The following NAA16 variants were observed in gnomAD, a reference collection of about 807,000 sequenced individuals.
The protein encoded by NAA16 is NARG1-like protein.
A neutral mutation model predicts 110.3 loss-of-function variants in NAA16; 97 were observed. The observed-to-expected ratio is 0.88, with a 90% CI of 0.75 to 1.04. NAA16 has a LOEUF of 1.04. Ranked by LOEUF, NAA16 falls within the 50% of genes least tolerant of loss-of-function variation. The probability of loss-of-function intolerance (pLI) is 0.00; values close to 1 mark genes in which losing one functional copy is unlikely to be tolerated. For missense variants in NAA16, 1,017 were observed against 1,005.1 expected (o/e 1.01, Z -0.16); for synonymous variants, 372 against 330.6 (o/e 1.13, Z -1.36).
At chr13:41,366,351 C>T (rs527669705) in intron 13 of NAA16, among the ~76,000 whole-genome samples, 3 of 152,178 alleles carry the variant, frequency 2.0e-5, no homozygotes, top group South Asian at 2.1e-4. Context: ...ATGTCCTCTG[C>T]GGAGTGACTT....
intron 13 of NAA16, among the ~76,000 whole-genome samples, chr13:41,367,002 G>A (rs1043167964): frequency 2.0e-5 from 3 of 152,166 alleles, no homozygotes; most frequent in Non-Finnish European, 2.9e-5. Context: ...GAAAATGGTA[G>A]AGTTGAGTAG....
At chr13:41,319,126 A>T (rs2041882213) in intron 3 of NAA16, among the ~76,000 whole-genome samples, 1 of 151,902 alleles carries the variant, frequency 6.6e-6, no homozygotes, top group Non-Finnish European at 1.5e-5. Flanking sequence ...TTTGTTCCCT[A>T]CCCCGTGTTT....
At chr13:41,326,468 A>G (rs2042096143) in intron 6 of NAA16, among the ~76,000 whole-genome samples, 1 of 152,232 alleles carries the variant, frequency 6.6e-6, no homozygotes, top group Non-Finnish European at 1.5e-5. Context: ...CTTAATAAAA[A>G]TAATAGCTAA....
chr13:41,343,157 A>G (rs1378486567), intron 9 of NAA16, among the ~76,000 whole-genome samples: 1 of 152,140 alleles, frequency 6.6e-6, no homozygotes, highest in Non-Finnish European at 1.5e-5. Context: ...CTGGAGAGCA[A>G]TGAATGGCCC....
chr13:41,364,798 C>T (rs1025327031), intron 13 of NAA16, among the ~76,000 whole-genome samples: 8 of 152,088 alleles, frequency 5.3e-5, no homozygotes, highest in African/African-American at 1.9e-4. Context: ...ACAACAGATT[C>T]TCTATTAAGT....
At chr13:41,348,984 G>A (rs939803988) in intron 9 of NAA16, among the ~76,000 whole-genome samples, 16 of 152,094 alleles carry the variant, frequency 1.1e-4, no homozygotes, top group East Asian at 1.9e-4. Context: ...CCCTCTTACT[G>A]TTTTTGGTTT....
At chr13:41,359,641 A>G (rs1238049639) in intron 12 of NAA16, among the ~76,000 whole-genome samples, 1 of 152,190 alleles carries the variant, frequency 6.6e-6, no homozygotes. Flanking sequence ...TGTTGGGGAA[A>G]AAGCCTCCAA....
chr13:41,312,419 C>T (rs2041643336), intron 1 of NAA16, among the ~76,000 whole-genome samples: 1 of 152,166 alleles, frequency 6.6e-6, no homozygotes, highest in Admixed American at 6.5e-5. Flanking sequence ...GCCAGCGTCC[C>T]TGGTAGCTTT....
chr13:41,325,620 G>A, intron 5 of NAA16, 78 bp from the exon 6 acceptor site: 1 of 886,242 alleles, frequency 1.1e-6, no homozygotes, highest in Non-Finnish European at 1.6e-6. Context: ...TGACTCTCCT[G>A]AGAAGGCAGT....
At chr13:41,326,337 C>T (rs368645434) in intron 6 of NAA16, among the ~76,000 whole-genome samples, 5 of 152,262 alleles carry the variant, frequency 3.3e-5, no homozygotes, top group South Asian at 2.1e-4. Context: ...AAAATTTTCA[C>T]AGAGCTTTGC....
chr13:41,362,269 G>GA lies in NAA16; in HGVS notation c.1539+117dup, dbSNP rs1026962149. 40 of 1,217,146 alleles carry GA rather than the reference G, an allele frequency of 3.3e-5. No individual in the cohort carries two copies. The African/African-American group carries it at 4.7e-4, about 14-fold the overall frequency. The allele number at this position is 1,217,146 out of a possible 1,614,324, so 75.4% of individuals were successfully genotyped here. On this transcript the variant is annotated intron_variant, in intron 13 of 19. Transcript: ENST00000379406. ...CTAACTTCTCTGGGAGCTTCATTGT[G>GA]AAAAAAATTCTTGATCTTTAACCTT...
At chr13:41,319,683 CT>C (rs1566242279) in intron 3 of NAA16, among the ~76,000 whole-genome samples, 1 of 151,344 alleles carries the variant, frequency 6.6e-6, no homozygotes, top group Admixed American at 6.6e-5. Flanking sequence ...TGCCTGGCTA[CT>C]TTTTGTACTT....
intron 8 of NAA16, among the ~76,000 whole-genome samples, chr13:41,333,546 TCTC>T (rs1388109173): frequency 1.1e-4 from 16 of 152,292 alleles, no homozygotes; most frequent in East Asian, 7.7e-4. Context: ...GTTTCTGACT[TCTC>T]CTCCTTTTAT....
chr13:41,373,042 T>C, intron 17 of NAA16: 1 of 816,800 alleles, frequency 1.2e-6, no homozygotes, highest in South Asian at 5.7e-5. Flanking sequence ...TGTCTTACAT[T>C]AAGCTGGTGG....
intron 9 of NAA16, among the ~76,000 whole-genome samples, chr13:41,348,679 TC>T (rs2042748200): frequency 6.6e-6 from 1 of 152,172 alleles, no homozygotes; most frequent in East Asian, 1.9e-4. Context: ...TGTTCTCTCC[TC>T]TTTTTTTGGG....
At chr13:41,355,960 G>C (rs949061213) in intron 10 of NAA16, among the ~76,000 whole-genome samples, 1 of 152,132 alleles carries the variant, frequency 6.6e-6, no homozygotes, top group African/African-American at 2.4e-5. Flanking sequence ...TTTCAGTCAT[G>C]CACAAAGTAA....
intron 9 of NAA16, among the ~76,000 whole-genome samples, chr13:41,343,731 G>A (rs2139450704): frequency 6.6e-6 from 1 of 152,278 alleles, no homozygotes. Flanking sequence ...AGTAGAGACG[G>A]GGTTTTACCA....
chr13:41,323,374 G>T (rs908373983), intron 5 of NAA16, among the ~76,000 whole-genome samples, 184 bp downstream of exon 5: 1 of 149,040 alleles, frequency 6.7e-6, no homozygotes, highest in Non-Finnish European at 1.5e-5. Context: ...TTTCCGAGAC[G>T]GAGTCTCGCT....
In NAA16 at chr13:41,373,801, G is replaced by A. The variant is rs200417985; in HGVS notation, c.2299+21G>A. 9.4e-5 allele frequency: 148 copies of A among 1,566,200 alleles called. 1 individual carries two copies. The East Asian group carries it at 3.3e-3, about 35-fold the overall frequency. On this transcript the variant is annotated intron_variant, in intron 18 of 19. Coordinates refer to ENST00000379406, the MANE Select transcript of NAA16 (RefSeq NM_024561.5). The stretch of plus-strand genomic sequence containing the variant: ...TTCAGGTTTGTTTGTAGCCCCCAGG[G>A]TTAAAATACTTATGGAAAAAGCGAA...
Sources: allele counts gnomAD v4.1 joint callset (sites outside exome capture counted in the v4.1 genomes callset), GRCh38; gene constraint gnomAD v4.1.1; transcripts MANE v1.5; gene names NCBI Gene and HGNC (gene_info 2026-07-23, HGNC 2026-07-21).